Variants in SLC45A2 observed in about 807,000 individuals in gnomAD.
The protein encoded by SLC45A2 is solute carrier family 45 member 2, also known as membrane-associated transporter protein.
A neutral mutation model predicts 45.5 loss-of-function variants in SLC45A2; 36 were observed. The ratio of observed to expected loss-of-function variants is 0.79; its 90% CI spans 0.61 to 1.04. The LOEUF (loss-of-function observed/expected upper bound fraction) is 1.04, where lower values mean the gene tolerates loss of function less well. Ranked by LOEUF, SLC45A2 falls within the 50% of genes least tolerant of loss-of-function variation. The pLI is 0.00. For missense variants in SLC45A2, 719 were observed against 671.0 expected, an observed-to-expected ratio of 1.07 and a Z score of -0.79; for synonymous variants, 306 against 269.3, an observed-to-expected ratio of 1.14 and a Z score of -1.33.
intron 2 of SLC45A2, among the ~76,000 whole-genome samples, chr5:33,970,207 C>T (rs887132679): frequency 5.3e-5 from 8 of 152,220 alleles, no homozygotes; most frequent in Admixed American, 5.2e-4. Flanking sequence ...CTCCGGCCAG[C>T]TTTGCACTGG....
In SLC45A2 at chr5:33,984,532, C is replaced by A; in HGVS notation, c.52G>T (p.Asp18Tyr). 1.2e-6 allele frequency: 2 copies of A among 1,612,810 alleles called. No individual in the cohort carries two copies. Among genetic ancestry groups the A allele is most frequent in the Non-Finnish European group, 1.7e-6 (2 of 1,180,030 alleles). The change falls in exon 1 of 7, where the codon GAT (aspartate) becomes TAT (tyrosine). Residue 18 changes from aspartate to tyrosine, a missense_variant. Transcript: ENST00000296589. ...AGRHIYKSLA[D>Y]DGPFDSVEPP... ...TCCACAGAGTCAAAGGGGCCATCATCAGCTAGGGATTTATAGATGTGGCGG... is the reference window on the plus strand; with the variant it reads ...TCCACAGAGTCAAAGGGGCCATCATAAGCTAGGGATTTATAGATGTGGCGG...
chr5:33,963,852 T>C lies in SLC45A2; in HGVS notation c.727A>G (p.Thr243Ala). 6.2e-7 allele frequency: 1 copy of C among 1,614,136 alleles called. No homozygotes were observed. Among genetic ancestry groups the C allele is most frequent in the Non-Finnish European group, 8.5e-7 (1 of 1,180,014 alleles). The change falls in exon 3 of 7, where the codon ACA becomes GCA. Residue 243 changes from threonine to alanine, a missense_variant. By Grantham distance (58) the Thr-to-Ala change is moderately conservative. Coordinates refer to ENST00000296589, the MANE Select transcript of SLC45A2 (RefSeq NM_016180.5). ...HLCSISEAPL[T>A]EVAKGIPPQQ... ...GGGGGAATGCCCTTTGCAACCTCTG[T>C]AAGTGGGGCTTCAGAGATACTGCAC...
rs753039715 is a variant in SLC45A2, at chr5:33,984,381, C to T, written c.203G>A (p.Ser68Asn). Residue 68 changes from serine to asparagine, a missense_variant, in exon 1 of 7, where the codon AGC becomes AAC. Coordinates refer to ENST00000296589, the MANE Select transcript of SLC45A2 (RefSeq NM_016180.5). Reference protein sequence around the residue: ...PVLLSVGLPSSLYSIVWFLSP... With the variant: ...PVLLSVGLPSNLYSIVWFLSP... ...GAGGAACCACACAATGCTGTACAGG[C>T]TGCTGGGCAGACCTACGCTGAGCAG... 6 of 1,613,772 alleles carry T rather than the reference C, an allele frequency of 3.7e-6. No individual in the cohort carries two copies. The Admixed American group carries it at 5.0e-5, about 13-fold the overall frequency.
At chr5:33,977,070 C>A (rs994476306) in intron 2 of SLC45A2, among the ~76,000 whole-genome samples, 1 of 152,142 alleles carries the variant, frequency 6.6e-6, no homozygotes, top group African/African-American at 2.4e-5. Context: ...TAATTCAAAT[C>A]CAATAGGACT....
intron 2 of SLC45A2, among the ~76,000 whole-genome samples, chr5:33,979,969 C>G (rs1753029950): frequency 6.6e-6 from 1 of 152,156 alleles, no homozygotes; most frequent in South Asian, 2.1e-4. Flanking sequence ...GGTCTTTTAG[C>G]CACATCTAAT....
intron 2 of SLC45A2, among the ~76,000 whole-genome samples, chr5:33,970,215 T>C (rs1304496473): frequency 6.6e-6 from 1 of 152,176 alleles, no homozygotes; most frequent in Admixed American, 6.5e-5. Context: ...AGCTTTGCAC[T>C]GGACAGGTGC....
chr5:33,956,903 A>G (rs1323279571), intron 3 of SLC45A2, among the ~76,000 whole-genome samples: 1 of 152,182 alleles, frequency 6.6e-6, no homozygotes, highest in Non-Finnish European at 1.5e-5. Flanking sequence ...ATTAAGAAAT[A>G]AAGTTTATTC....
At chr5:33,965,917 T>A (rs1220153984) in intron 2 of SLC45A2, among the ~76,000 whole-genome samples, 1 of 152,232 alleles carries the variant, frequency 6.6e-6, no homozygotes, top group Non-Finnish European at 1.5e-5. Context: ...ACCCCTGACC[T>A]AAGTCAACCC....
intron 5 of SLC45A2, among the ~76,000 whole-genome samples, chr5:33,951,113 T>C (rs1752083235): frequency 6.6e-6 from 1 of 152,192 alleles, no homozygotes; most frequent in African/African-American, 2.4e-5. Flanking sequence ...CAGTTACACA[T>C]CTGAGCTAAG....
chr5:33,970,073 A>G (rs916501940), intron 2 of SLC45A2, among the ~76,000 whole-genome samples: 2 of 152,192 alleles, frequency 1.3e-5, no homozygotes, highest in African/African-American at 4.8e-5. Context: ...TGCTAGAATG[A>G]AAAAGCTGCA....
chr5:33,984,092 A>G (rs1753163331), intron 1 of SLC45A2, 107 bp downstream of exon 1: 1 of 1,528,372 alleles, frequency 6.5e-7, no homozygotes, highest in Non-Finnish European at 8.9e-7. Context: ...GGAGAGATCA[A>G]TTCTAACAAA....
chr5:33,954,171 C>T (rs569732281), intron 4 of SLC45A2, among the ~76,000 whole-genome samples, 190 bp downstream of exon 4: 18 of 152,278 alleles, frequency 1.2e-4, no homozygotes, highest in East Asian at 1.2e-3. Flanking sequence ...TGGCAGGCTC[C>T]GTAGTGTCCT....
chr5:33,984,392 A>G lies in SLC45A2; in HGVS notation c.192T>C (p.Gly64=), dbSNP rs749381861. The part of the protein sequence containing the change: ...AYVTPVLLSV[G]LPSSLYSIVW... Reference sequence around the variant, plus strand: ...CAATGCTGTACAGGCTGCTGGGCAGACCTACGCTGAGCAGGACTGGGGTCA... The same window carrying G: ...CAATGCTGTACAGGCTGCTGGGCAGGCCTACGCTGAGCAGGACTGGGGTCA... Residue 64 remains glycine (G), a synonymous_variant, in exon 1 of 7, where the codon GGT becomes GGC. Transcript: ENST00000296589. The G allele has an allele frequency of 1.2e-6, 2 of 1,613,434 alleles. No individual in the cohort carries two copies. The highest frequency in any genetic ancestry group is 1.7e-6 in the Non-Finnish European group (2 of 1,179,678).
intron 5 of SLC45A2, among the ~76,000 whole-genome samples, chr5:33,949,099 T>G (rs910061710): frequency 6.6e-6 from 1 of 152,242 alleles, no homozygotes; most frequent in African/African-American, 2.4e-5. Context: ...ATCTTAGTAC[T>G]CAGTGTTGTT....
chr5:33,981,147 A>G (rs1013630204), intron 2 of SLC45A2, among the ~76,000 whole-genome samples: 2 of 152,200 alleles, frequency 1.3e-5, no homozygotes, highest in Non-Finnish European at 2.9e-5. Flanking sequence ...CTGGAGACAT[A>G]GTGGGCAGGG....
intron 2 of SLC45A2, among the ~76,000 whole-genome samples, chr5:33,974,015 C>T (rs919472024): frequency 6.6e-6 from 1 of 152,198 alleles, no homozygotes; most frequent in Non-Finnish European, 1.5e-5. Flanking sequence ...TCCCAGCCTC[C>T]CGCCAAGCAA....
At chr5:33,967,850 G>C (rs35413) in intron 2 of SLC45A2, among the ~76,000 whole-genome samples, 18,591 of 150,654 alleles carry the variant, frequency 0.12, 2,349 homozygotes, top group East Asian at 0.38. Context: ...AGAACCTGGG[G>C]GAAACTCTTC....
At position 33,947,278 on chromosome 5, in the gene SLC45A2, AAG is replaced by A. The variant is rs2111901625; in HGVS notation, c.1251_1252del (p.Phe418ProfsTer26). 1 of 1,614,228 alleles carries A rather than the reference AAG, an allele frequency of 6.2e-7. No homozygotes were observed. Among genetic ancestry groups the A allele is most frequent in the South Asian group, 1.1e-5 (1 of 91,090 alleles). On this transcript the variant is annotated frameshift_variant, in exon 6 of 7. Coordinates refer to ENST00000296589, the MANE Select transcript of SLC45A2 (RefSeq NM_016180.5). LOFTEE classifies it high-confidence loss of function. ...GACCAGGGTGGAGTAGACATTCGGG[AAG>A]AGCCCAATAAATCCCGTCCCCAGGC...
At chr5:33,964,058 A>G in intron 2 of SLC45A2, 42 bp from the exon 3 acceptor site, 1 of 1,598,634 alleles carries the variant, frequency 6.3e-7, no homozygotes, top group Non-Finnish European at 8.5e-7. Context: ...TTAGCAAATT[A>G]TCGTTCATTT....
Sources: allele counts gnomAD v4.1 joint callset (sites outside exome capture counted in the v4.1 genomes callset), GRCh38; gene constraint gnomAD v4.1.1; transcripts MANE v1.5; gene names NCBI Gene and HGNC (gene_info 2026-07-23, HGNC 2026-07-21).